Variants in TTC17 observed in about 807,000 individuals in gnomAD.
TTC17 encodes tetratricopeptide repeat protein 17.
Under a neutral mutation model 143.8 loss-of-function variants are expected in TTC17, and 58 were observed. The observed-to-expected ratio is 0.40, with a 90% CI of 0.33 to 0.50. The LOEUF is 0.50. Ranked by LOEUF, TTC17 falls within the 20% of genes least tolerant of loss-of-function variation. The pLI is 0.49. For synonymous variants in TTC17, 501 were observed against 497.8 expected, an observed-to-expected ratio of 1.01 and a Z score of -0.09; for missense variants, 1,273 against 1,392.5, an observed-to-expected ratio of 0.91 and a Z score of 1.37.
chr11:43,492,006 C>T lies in TTC17; in HGVS notation c.3151-14C>T. On this transcript the variant is annotated splice_polypyrimidine_tract_variant and intron_variant, in intron 22 of 23. Transcript: ENST00000039989. ...CCCAATTTTCCCTTCTCACCATTCT[C>T]CTTCTTCTCCCAGGATGTGCCCCTG... 4 of 1,612,488 alleles carry T rather than the reference C, an allele frequency of 2.5e-6. No homozygotes were observed. Among genetic ancestry groups the T allele is most frequent in the Non-Finnish European group, 3.4e-6 (4 of 1,179,200 alleles).
intron 11 of TTC17, 21 bp downstream of exon 11, chr11:43,404,165 G>GA: frequency 1.3e-6 from 2 of 1,587,086 alleles, no homozygotes; most frequent in Non-Finnish European, 1.7e-6. Flanking sequence ...AGAGGATGAC[G>GA]AAGCAGTTTT....
intron 10 of TTC17, among the ~76,000 whole-genome samples, chr11:43,402,942 C>A (rs1433948075): frequency 2.6e-5 from 4 of 152,032 alleles, no homozygotes; most frequent in African/African-American, 9.7e-5. Context: ...AAAATCCAGA[C>A]TGCATTGGGA....
At chr11:43,449,785 C>G (rs1947621017) in intron 19 of TTC17, 1 of 288,440 alleles carries the variant, frequency 3.5e-6, no homozygotes, top group South Asian at 6.0e-5. Flanking sequence ...ACGGCTGTAT[C>G]TCTATAAGAT....
At chr11:43,468,438 A>T (rs1318679493) in intron 21 of TTC17, 1 of 152,218 alleles carries the variant, frequency 6.6e-6, no homozygotes, top group African/African-American at 2.4e-5. Flanking sequence ...GAATGCATGG[A>T]TATGCATATA....
chr11:43,419,839 T>C (rs145039747), intron 16 of TTC17, among the ~76,000 whole-genome samples: 1 of 152,274 alleles, frequency 6.6e-6, no homozygotes, highest in Non-Finnish European at 1.5e-5. Flanking sequence ...TACAGGTGTG[T>C]ACCACTGCAC....
chr11:43,443,728 G>A lies in TTC17; in HGVS notation c.2511+144G>A. On this transcript the variant is annotated intron_variant, in intron 17 of 23. Transcript: ENST00000039989. ...CAGCCTTCACATTGGAATTTTATTG[G>A]GAGGAAGCATTTCATGTTACTTATG... is the stretch of plus-strand genomic sequence containing the variant. The A allele has an allele frequency of 2.6e-6, 3 of 1,136,884 alleles. No homozygotes were observed. The South Asian group carries it at 5.0e-5, about 19-fold the overall frequency. 70.4% of individuals were successfully genotyped at this position (1,136,884 alleles called of 1,614,324 possible).
chr11:43,488,940 A>G (rs1467153358), intron 21 of TTC17, among the ~76,000 whole-genome samples: 1 of 152,120 alleles, frequency 6.6e-6, no homozygotes, highest in Non-Finnish European at 1.5e-5. Context: ...TGGCCTCCCA[A>G]TGCACTAAAA....
intron 21 of TTC17, among the ~76,000 whole-genome samples, chr11:43,456,729 G>C (rs532493745): frequency 6.6e-6 from 1 of 152,304 alleles, no homozygotes; most frequent in Middle Eastern, 3.4e-3. Context: ...TGGCCTTAGC[G>C]TAGGGAGAAA....
chr11:43,380,012 G>T (rs1001100905), intron 2 of TTC17, among the ~76,000 whole-genome samples: 1 of 151,796 alleles, frequency 6.6e-6, no homozygotes, highest in Non-Finnish European at 1.5e-5. Flanking sequence ...ACTGTAAGTT[G>T]TAGAAACATT....
At chr11:43,442,532 G>A (rs1379971239) in intron 16 of TTC17, among the ~76,000 whole-genome samples, 1 of 152,192 alleles carries the variant, frequency 6.6e-6, no homozygotes, top group Non-Finnish European at 1.5e-5. Context: ...AAGTTAAGTA[G>A]TGAAGAATTT....
intron 4 of TTC17, 38 bp downstream of exon 4, chr11:43,391,614 TGC>T: frequency 8.0e-7 from 1 of 1,251,968 alleles, no homozygotes; most frequent in Non-Finnish European, 1.1e-6. Context: ...TTTTTTGCGT[TGC>T]GTTCTTCTTT....
At position 43,493,801 on chromosome 11, in the gene TTC17, A is replaced by G. The variant is rs750333269; in HGVS notation, c.3323A>G (p.Tyr1108Cys). The G allele has an allele frequency of 3.7e-6, 6 of 1,613,986 alleles. No individual in the cohort carries two copies. The African/African-American group carries it at 6.7e-5, about 18-fold the overall frequency. The change falls in exon 24 of 24, where the codon TAT becomes TGT. Residue 1108 changes from tyrosine (Y) to cysteine (C), a missense_variant. Physicochemically the swap from Tyr to Cys is radical, Grantham distance 194. Transcript: ENST00000039989. ...GAATTTGAAAAAGCACTGGTGTGGTATGAATCCACATTGAAGCTTCAGCCC... is the reference window on the plus strand; with the variant it reads ...GAATTTGAAAAAGCACTGGTGTGGTGTGAATCCACATTGAAGCTTCAGCCC... ...MEEFEKALVW[Y>C]ESTLKLQPEF...
chr11:43,369,070 A>G lies in TTC17; in HGVS notation c.159+9957A>G, dbSNP rs552605723. Among the ~76,000 whole-genome samples the G allele has an allele frequency of 4.1e-4, 63 of 152,310 alleles. 2 individuals are homozygous for G. Among genetic ancestry groups the G allele is most frequent in the South Asian group, 1.5e-3 (7 of 4,820 alleles). ...ACTAGTTTTATCTAAAACAGCGTCT[A>G]TTTGAGCCTTGACTATTGTGTCTTG... On this transcript the variant is annotated intron_variant, in intron 1 of 23. Transcript: ENST00000039989.
Position 43,396,726 on chromosome 11 carries a change from A to C in TTC17, c.681A>C (p.Val227=), listed in dbSNP as rs572786383. The stretch of plus-strand genomic sequence containing the variant: ...ATCTCTAGAACACTTCCTCGTGGGT[A>C]CTGTATAACATGGCTTCATTTTACT... ...EGLQKNTSSW[V]LYNMASFYWR... is the part of the protein sequence containing the mutation. The change falls in exon 6 of 24, where the codon GTA becomes GTC. Residue 227 remains valine (V), a synonymous_variant. Coordinates refer to ENST00000039989, the MANE Select transcript of TTC17 (RefSeq NM_018259.6). The C allele has an allele frequency of 1.6e-4, 260 of 1,598,020 alleles. 3 individuals carry two copies. In the South Asian group the frequency reaches 2.7e-3, roughly 16 times the overall value.
At chr11:43,372,600 C>A (rs1403558197) in intron 1 of TTC17, among the ~76,000 whole-genome samples, 1 of 152,014 alleles carries the variant, frequency 6.6e-6, no homozygotes, top group Admixed American at 6.6e-5. Context: ...AAGCGATTCT[C>A]CTGCCTCAGC....
chr11:43,373,324 C>CT (rs1358080544), intron 1 of TTC17, among the ~76,000 whole-genome samples: 3,270 of 134,768 alleles, frequency 0.024, 53 homozygotes, highest in African/African-American at 0.037. Flanking sequence ...TTAAAAGAAG[C>CT]TTTTTTTTTT....
chr11:43,452,006 CA>C lies in TTC17; in HGVS notation c.3030+748del, dbSNP rs1431880720. On this transcript the variant is annotated intron_variant, in intron 21 of 23. Coordinates refer to ENST00000039989, the MANE Select transcript of TTC17 (RefSeq NM_018259.6). ...GGGCAAACACATGATCCCCAGACTT[CA>C]AAAAAAGTAAGGATTGCCAAAAGTG... Among the ~76,000 whole-genome samples the C allele has an allele frequency of 2.0e-5, 3 of 151,814 alleles. No homozygotes were observed. The East Asian group carries it at 5.8e-4, about 29-fold the overall frequency.
Position 43,397,419 on chromosome 11 carries a change from T to G in TTC17, c.846T>G (p.Ala282=), listed in dbSNP as rs771633911. 9.9e-6 allele frequency: 16 copies of G among 1,613,650 alleles called. No individual in the cohort carries two copies. Among genetic ancestry groups the G allele is most frequent in the African/African-American group, 1.3e-5 (1 of 75,054 alleles). ...GAGCACACTTCTCTGCTGATGCTGC[T>G]GTCGTGGTCCATGCAGCTCTGGATG... The part of the protein sequence containing the change: ...LHRAHFSADA[A]VVVHAALDDS... The change falls in exon 7 of 24, where the codon GCT becomes GCG. Residue 282 remains alanine, a synonymous_variant. Transcript: ENST00000039989.
At chr11:43,419,229 C>T (rs996817669) in intron 16 of TTC17, among the ~76,000 whole-genome samples, 2 of 152,132 alleles carry the variant, frequency 1.3e-5, no homozygotes, top group African/African-American at 4.8e-5. Context: ...TTAGGTGTTC[C>T]TGTAATTGTC....
Sources: allele counts gnomAD v4.1 joint callset (sites outside exome capture counted in the v4.1 genomes callset), GRCh38; gene constraint gnomAD v4.1.1; transcripts MANE v1.5; gene names NCBI Gene and HGNC (gene_info 2026-07-23, HGNC 2026-07-21).